CUL7: variants seen among roughly 807,000 people sequenced by gnomAD.
The protein encoded by CUL7 is cullin-7.
CUL7 carries 96 observed loss-of-function variants against 177.7 expected under a neutral mutation model. The ratio of observed to expected loss-of-function variants is 0.54; its 90% confidence interval spans 0.46 to 0.64. The LOEUF (loss-of-function observed/expected upper bound fraction) is 0.64. Among genes scored for constraint, CUL7 ranks in the 30% least tolerant of loss-of-function variants. The probability of loss-of-function intolerance (pLI) is 0.00; values close to 1 mark genes in which losing one functional copy is unlikely to be tolerated. For missense variants in CUL7, 1,893 were observed against 2,187.9 expected, an observed-to-expected ratio of 0.87 and a Z score of 2.69; for synonymous variants, 824 against 890.2, an observed-to-expected ratio of 0.93 and a Z score of 1.32.
At chr6:43,049,910 C>T in intron 6 of CUL7, 53 bp downstream of exon 6, 2 of 1,528,346 alleles carry the variant, frequency 1.3e-6, no homozygotes, top group South Asian at 2.2e-5. Context: ...CTATACAGTC[C>T]AGCCCTTGCA....
Position 43,043,676 on chromosome 6 carries a change from G to A in CUL7, c.3173-46C>T, listed in dbSNP as rs1423629784. On this transcript the variant is annotated intron_variant, in intron 16 of 25. Coordinates refer to ENST00000265348, the MANE Select transcript of CUL7 (RefSeq NM_014780.5). This position sits in a 1 kb window ranked among gnomAD's most constrained non-coding sequence, Gnocchi z 4.2. ...ACCAAGGCACAGCCATGTCTGCAGG[G>A]AAGTGGGAGTGGTTGGGCTGAACAG... The A allele has an allele frequency of 4.5e-6, 6 of 1,326,844 alleles. No individual in the cohort carries two copies. The highest frequency in any genetic ancestry group is 1.8e-4 in the Middle Eastern group (1 of 5,548). 82.2% of individuals were successfully genotyped at this position (1,326,844 alleles called of 1,614,324 possible). A position where few individuals can be genotyped will look rare whatever the true frequency, so the allele number is the denominator to read the frequency against.
At position 43,040,698 on chromosome 6, in the gene CUL7, C is replaced by A. The variant is rs370053482; in HGVS notation, c.3855G>T (p.Glu1285Asp). The stretch of plus-strand genomic sequence containing the variant: ...GACCGATCTGCTCCAGCACGGCCCC[C>A]TCCAGCCAGCTCGAGACCACGCCCA... ...RLLGVVSSWLEGAVLEQIGPC... is the reference protein window; with the variant it reads ...RLLGVVSSWLDGAVLEQIGPC... The change falls in exon 21 of 26, where the codon GAG (glutamate) becomes GAT (aspartate). Residue 1285 changes from glutamate (E) to aspartate (D), a missense_variant. Around this residue, in one of 5 missense-constraint regions of CUL7, gnomAD observed 973 missense variants for 1,140.9 expected, o/e 0.85. Transcript: ENST00000265348. This position sits in a 1 kb window ranked among gnomAD's most constrained non-coding sequence, Gnocchi z 4.2. 6.2e-7 allele frequency: 1 copy of A among 1,614,068 alleles called. No individual in the cohort carries two copies. Among genetic ancestry groups the A allele is most frequent in the African/African-American group, 1.3e-5 (1 of 74,930 alleles).
chr6:43,038,866 T>C lies in CUL7; in HGVS notation c.4416A>G (p.Leu1472=). Residue 1472 remains leucine, a synonymous_variant, in exon 23 of 26, where the codon CTA becomes CTG. Transcript: ENST00000265348. ...CCTTCAGGTCGTTGAGATACAGCAGTAGCCACATCTGCACGGTGGACACAT... is the reference window on the plus strand; with the variant it reads ...CCTTCAGGTCGTTGAGATACAGCAGCAGCCACATCTGCACGGTGGACACAT... ...TLHVSTVQMW[L]LLYLNDLKAV... 2 of 1,614,154 alleles carry C rather than the reference T, an allele frequency of 1.2e-6. No homozygotes were observed. The highest frequency in any genetic ancestry group is 1.7e-6 in the Non-Finnish European group (2 of 1,180,022).
chr6:43,052,744 C>T lies in CUL7; in HGVS notation c.45G>A (p.Gly15=), dbSNP rs951868001. Residue 15 remains glycine, a synonymous_variant, in exon 2 of 26, where the codon GGG becomes GGA. Transcript: ENST00000265348. This position sits in a 1 kb window ranked among gnomAD's most constrained non-coding sequence, Gnocchi z 4.5. ...CATCAGGATAGGCATGTAAGCCGGG[C>T]CCCAGGGGCACCCTGAATTCCCTGT... ...LRYREFRVPL[G]PGLHAYPDEL... 6 of 1,610,562 alleles carry T rather than the reference C, an allele frequency of 3.7e-6. No individual in the cohort carries two copies. Among genetic ancestry groups the T allele is most frequent in the Middle Eastern group, 1.6e-4 (1 of 6,062 alleles).
Position 43,046,621 on chromosome 6 carries a change from G to A in CUL7, c.2398-20C>T, listed in dbSNP as rs747660775. The A allele has an allele frequency of 3.7e-6, 6 of 1,613,978 alleles. No individual in the cohort carries two copies. In the African/African-American group the frequency reaches 8.0e-5, roughly 22 times the overall value. On this transcript the variant is annotated intron_variant, in intron 10 of 25. Coordinates refer to ENST00000265348, the MANE Select transcript of CUL7 (RefSeq NM_014780.5). ...CACCATCTGCAGCCAGAACATCAGAGAGAAGGGGCACAGGGGCAGAAGGAA... is the reference window on the plus strand; with the variant it reads ...CACCATCTGCAGCCAGAACATCAGAAAGAAGGGGCACAGGGGCAGAAGGAA...
In CUL7 at chr6:43,051,577, A is replaced by G. The variant is rs747102184; in HGVS notation, c.732+35T>C. 10 of 1,614,004 alleles carry G rather than the reference A, an allele frequency of 6.2e-6. No homozygotes were observed. ...AAGGCCTGGACCCTAGATCTTGTTC[A>G]CAAGTTCCCCCCACCTTACACCCCC... On this transcript the variant is annotated intron_variant, in intron 3 of 25. Coordinates refer to ENST00000265348, the MANE Select transcript of CUL7 (RefSeq NM_014780.5). This position sits in a 1 kb window ranked among gnomAD's most constrained non-coding sequence, Gnocchi z 5.0.
At position 43,050,816 on chromosome 6, in the gene CUL7, C is replaced by T; in HGVS notation, c.1233+152G>A. 3 of 993,560 alleles carry T rather than the reference C, an allele frequency of 3.0e-6. No individual in the cohort carries two copies. Among genetic ancestry groups the T allele is most frequent in the Non-Finnish European group, 4.5e-6 (3 of 672,080 alleles). 61.5% of individuals were successfully genotyped at this position (993,560 alleles called of 1,614,324 possible). On this transcript the variant is annotated intron_variant, in intron 4 of 25. Transcript: ENST00000265348. This position sits in a 1 kb window ranked among gnomAD's most constrained non-coding sequence, Gnocchi z 4.1. Reference sequence around the variant, plus strand: ...AGATTTTCCCAGCTCTCAGAATGGCCCCCCTCTCAACTACTGACTCTTTTC... The same window carrying T: ...AGATTTTCCCAGCTCTCAGAATGGCTCCCCTCTCAACTACTGACTCTTTTC...
chr6:43,040,441 G>A lies in CUL7; in HGVS notation c.4024-15C>T. Reference sequence around the variant, plus strand: ...CCAAGGCCCACCTGAAGGAGCACAGGGTTCCCAGATGCCATGGCCTCCTCC... The same window carrying A: ...CCAAGGCCCACCTGAAGGAGCACAGAGTTCCCAGATGCCATGGCCTCCTCC... On this transcript the variant is annotated splice_polypyrimidine_tract_variant and intron_variant, in intron 21 of 25. Transcript: ENST00000265348. The surrounding 1 kb of genome is among the most constrained non-coding windows in gnomAD (Gnocchi z 4.2). The A allele has an allele frequency of 6.2e-7, 1 of 1,612,158 alleles. No homozygotes were observed. The highest frequency in any genetic ancestry group is 1.3e-5 in the African/African-American group (1 of 74,980).
rs1396489565 is a variant in CUL7, at chr6:43,046,006, G to A, written c.2746C>T (p.Leu916Phe). 1 of 1,613,996 alleles carries A rather than the reference G, an allele frequency of 6.2e-7. No homozygotes were observed. Among genetic ancestry groups the A allele is most frequent in the Non-Finnish European group, 8.5e-7 (1 of 1,179,896 alleles). The stretch of plus-strand genomic sequence containing the variant: ...CCTACCGAGTTGAGTTCCGTGTGAA[G>A]AGAGCTAGTGCTATCACCCCCGCAC... ...VVCGGDSTSS[L>F]HTELNSVNVM... Residue 916 changes from leucine (L) to phenylalanine (F), a missense_variant, in exon 13 of 26, where the codon CTT (leucine) becomes TTT (phenylalanine). Around this residue, in one of 5 missense-constraint regions of CUL7, gnomAD observed 973 missense variants for 1,140.9 expected, o/e 0.85. Transcript: ENST00000265348.
chr6:43,042,117 GGGAA>G (rs1205097372), intron 19 of CUL7, among the ~76,000 whole-genome samples: 103 of 143,448 alleles, frequency 7.2e-4, no homozygotes, highest in African/African-American at 1.1e-3. Flanking sequence ...GAGGGAAGGA[GGGAA>G]GGAAGGAAGG....
rs1764469313 is a variant in CUL7, at chr6:43,052,170, C to G, written c.580+39G>C. ...TGTGAGTCCCTGAGCCGACCCAGCC[C>G]TTCTCCTGCTTTCCCTTCCTCCCCA... On this transcript the variant is annotated intron_variant, in intron 2 of 25. Transcript: ENST00000265348. This position sits in a 1 kb window ranked among gnomAD's most constrained non-coding sequence, Gnocchi z 4.5. 1 of 1,612,438 alleles carries G rather than the reference C, an allele frequency of 6.2e-7. No individual in the cohort carries two copies. The highest frequency in any genetic ancestry group is 8.5e-7 in the Non-Finnish European group (1 of 1,179,232).
At position 43,050,957 on chromosome 6, in the gene CUL7, G is replaced by C. The variant is rs766404346; in HGVS notation, c.1233+11C>G. ...ACCCCCAACAGTATCCCACCACCAT[G>C]TGCCACTCACCTGCACAGGAGGCAC... On this transcript the variant is annotated intron_variant, in intron 4 of 25. Transcript: ENST00000265348. This position sits in a 1 kb window ranked among gnomAD's most constrained non-coding sequence, Gnocchi z 4.1. 1 of 1,613,604 alleles carries C rather than the reference G, an allele frequency of 6.2e-7. No homozygotes were observed. The highest frequency in any genetic ancestry group is 8.5e-7 in the Non-Finnish European group (1 of 1,179,940).
Position 43,051,364 on chromosome 6 carries a change from G to A in CUL7, c.837C>T (p.Thr279=), listed in dbSNP as rs779326407. ...DSAAEPGAQN[T]SAPEELSGER... The stretch of plus-strand genomic sequence containing the variant: ...CCCCACTCAACTCCTCAGGAGCAGA[G>A]GTGTTCTGGGCTCCTGGCTCCGCAG... Residue 279 remains threonine, a synonymous_variant, in exon 4 of 26, where the codon ACC becomes ACT. Coordinates refer to ENST00000265348, the MANE Select transcript of CUL7 (RefSeq NM_014780.5). The surrounding 1 kb of genome is among the most constrained non-coding windows in gnomAD (Gnocchi z 5.0). 1.2e-6 allele frequency: 2 copies of A among 1,613,898 alleles called. No individual in the cohort carries two copies. Among genetic ancestry groups the A allele is most frequent in the South Asian group, 2.2e-5 (2 of 91,078 alleles).
Position 43,052,710 on chromosome 6 carries a change from G to T in CUL7, c.79C>A (p.Arg27Ser). The T allele has an allele frequency of 1.2e-6, 2 of 1,613,300 alleles. No individual in the cohort carries two copies. Residue 27 changes from arginine (R) to serine (S), a missense_variant, in exon 2 of 26, where the codon CGC becomes AGC. Physicochemically the swap from Arg to Ser is moderately radical, Grantham distance 110. Around this residue, in one of 5 missense-constraint regions of CUL7, gnomAD observed 653 missense variants for 725.2 expected, o/e 0.90. Coordinates refer to ENST00000265348, the MANE Select transcript of CUL7 (RefSeq NM_014780.5). The surrounding 1 kb of genome is among the most constrained non-coding windows in gnomAD (Gnocchi z 4.5). ...GLHAYPDELI[R>S]QRVGHDGHPE... ...TGCCCATCATGGCCCACGCGCTGGC[G>T]GATCAGCTCATCAGGATAGGCATGT...
rs773048448 is a variant in CUL7 at position 43,038,336 on chromosome 6, G to C, written c.4704C>G (p.Asn1568Lys). ...CCTTGAGGATTCGGACGATGAGGCA[G>C]TTCAGAAGATTCCGTCTCTTCTCCA... ...QNLEKRRNLL[N>K]CLIVRILKAH... The change falls in exon 25 of 26, where the codon AAC becomes AAG. Residue 1568 changes from asparagine (N) to lysine (K), a missense_variant. By Grantham distance (94) the Asn-to-Lys change is moderately conservative (BLOSUM62 0). Transcript: ENST00000265348. 3.7e-6 allele frequency: 6 copies of C among 1,614,194 alleles called. No homozygotes were observed. The highest frequency in any genetic ancestry group is 5.1e-6 in the Non-Finnish European group (6 of 1,180,048).
intron 19 of CUL7, 93 bp from the exon 20 acceptor site, chr6:43,041,168 T>A: frequency 2.4e-6 from 3 of 1,234,488 alleles, no homozygotes; most frequent in Non-Finnish European, 2.3e-6. Context: ...TAGATATGAA[T>A]GCTGGCAGCT....
Position 43,050,023 on chromosome 6 carries a change from C to T in CUL7, c.1509G>A (p.Lys503=). The T allele has an allele frequency of 1.9e-6, 3 of 1,614,228 alleles. No individual in the cohort carries two copies. The highest frequency in any genetic ancestry group is 2.5e-6 in the Non-Finnish European group (3 of 1,180,042). Residue 503 remains lysine (K), a synonymous_variant, in exon 6 of 26, where the codon AAG becomes AAA. Coordinates refer to ENST00000265348, the MANE Select transcript of CUL7 (RefSeq NM_014780.5). This position sits in a 1 kb window ranked among gnomAD's most constrained non-coding sequence, Gnocchi z 4.1. ...CCTCCTGATGGTCAGGTCCATCCAGCTTCTTGATGAAGAAGAGGAGTTCCC... is the reference window on the plus strand; with the variant it reads ...CCTCCTGATGGTCAGGTCCATCCAGTTTCTTGATGAAGAAGAGGAGTTCCC... The part of the protein sequence containing the change: ...EWWELLFFIK[K]LDGPDHQEVL...
chr6:43,040,762 C>T lies in CUL7; in HGVS notation c.3807-16G>A, dbSNP rs1561875332. The T allele has an allele frequency of 3.7e-6, 6 of 1,612,926 alleles. No homozygotes were observed. The highest frequency in any genetic ancestry group is 4.2e-6 in the Non-Finnish European group (5 of 1,178,970). ...CATGTAGTGCCTGCAGTGCATGCAGCCCGGGCCAAGCCTCAGTGTGGGCAC... is the reference window on the plus strand; with the variant it reads ...CATGTAGTGCCTGCAGTGCATGCAGTCCGGGCCAAGCCTCAGTGTGGGCAC... On this transcript the variant is annotated splice_polypyrimidine_tract_variant and intron_variant, in intron 20 of 25. Transcript: ENST00000265348. The surrounding 1 kb of genome is among the most constrained non-coding windows in gnomAD (Gnocchi z 4.2).
intron 9 of CUL7, chr6:43,047,856 TAAATTA>T: frequency 2.3e-6 from 1 of 443,598 alleles, no homozygotes; most frequent in Admixed American, 3.8e-5. Flanking sequence ...GAAAGATACA[TAAATTA>T]ATACAAGTAG....
Sources: allele counts gnomAD v4.1 joint callset (sites outside exome capture counted in the v4.1 genomes callset), GRCh38; gene constraint gnomAD v4.1.1; regional missense constraint gnomAD v4.1.1; non-coding constraint Gnocchi (gnomAD v3.1); transcripts MANE v1.5; gene names NCBI Gene and HGNC (gene_info 2026-07-23, HGNC 2026-07-21).